FIGN: variants seen among roughly 807,000 people sequenced by gnomAD.
FIGN encodes fidgetin.
A neutral mutation model predicts 51.3 loss-of-function variants in FIGN; 11 were observed. That is an observed-to-expected ratio of 0.21 (90% CI 0.13 to 0.35). The LOEUF is 0.35. FIGN is among the 10% of genes least tolerant of loss of function. The pLI is 1.00. For missense variants in FIGN, 857 were observed against 943.6 expected (o/e 0.91, Z 1.20); for synonymous variants, 407 against 363.2 (o/e 1.12, Z -1.37).
At chr2:163,617,823 T>C (rs1451548770) in intron 2 of FIGN, among the ~76,000 whole-genome samples, 1 of 152,170 alleles carries the variant, frequency 6.6e-6, no homozygotes, top group Non-Finnish European at 1.5e-5. Flanking sequence ...CTTACTGTAT[T>C]GCTATTAAGA....
intron 2 of FIGN, among the ~76,000 whole-genome samples, chr2:163,688,572 A>G (rs6755891): frequency 1.8e-3 from 277 of 152,316 alleles, no homozygotes; most frequent in African/African-American, 5.8e-3. Context: ...TAGATGGAAG[A>G]TGAGACCAGG....
chr2:163,678,350 A>G (rs530396352), intron 2 of FIGN, among the ~76,000 whole-genome samples: 407 of 152,178 alleles, frequency 2.7e-3, no homozygotes, highest in African/African-American at 9.5e-3. Context: ...CCTCCCGAGT[A>G]GCTGGGATTA....
chr2:163,709,601 C>T (rs941734683), intron 2 of FIGN, among the ~76,000 whole-genome samples: 2 of 152,026 alleles, frequency 1.3e-5, no homozygotes, highest in Non-Finnish European at 2.9e-5. Context: ...ATTCCCCATC[C>T]CACTCAAGAA....
chr2:163,680,035 G>A (rs934945632), intron 2 of FIGN, among the ~76,000 whole-genome samples: 13 of 152,312 alleles, frequency 8.5e-5, no homozygotes, highest in East Asian at 5.8e-4. Context: ...GACATAAAGC[G>A]TGGAATGATT....
At chr2:163,648,089 G>T (rs1423966648) in intron 2 of FIGN, among the ~76,000 whole-genome samples, 1 of 152,044 alleles carries the variant, frequency 6.6e-6, no homozygotes, top group East Asian at 1.9e-4. Context: ...GATTTGCAAG[G>T]TCAAAGAGCT....
At chr2:163,720,134 A>G (rs1324622379) in intron 2 of FIGN, among the ~76,000 whole-genome samples, 3 of 152,208 alleles carry the variant, frequency 2.0e-5, no homozygotes, top group Non-Finnish European at 4.4e-5. Flanking sequence ...GAATAAGCCA[A>G]GCCCCGTTTC....
intron 2 of FIGN, among the ~76,000 whole-genome samples, chr2:163,718,199 T>G (rs1269047682): frequency 6.6e-6 from 1 of 152,096 alleles, no homozygotes; most frequent in African/African-American, 2.4e-5. Context: ...TTGTCAGCAC[T>G]CAGAGAAACA....
chr2:163,702,515 G>T (rs1684424756), intron 2 of FIGN, among the ~76,000 whole-genome samples: 1 of 151,978 alleles, frequency 6.6e-6, no homozygotes, highest in African/African-American at 2.4e-5. Flanking sequence ...TGCATGTAGT[G>T]GTACCATTCC....
chr2:163,642,200 C>T (rs1573921451), intron 2 of FIGN, among the ~76,000 whole-genome samples: 2 of 152,312 alleles, frequency 1.3e-5, no homozygotes, highest in East Asian at 3.9e-4. Context: ...AGTACATTTA[C>T]TCTCCAGCTG....
At chr2:163,612,229 T>A (rs2105300128) in intron 2 of FIGN, 1 of 767,918 alleles carries the variant, frequency 1.3e-6, no homozygotes, top group East Asian at 1.3e-4. Context: ...AGTATTAACA[T>A]GTACAATATC....
chr2:163,642,585 A>G lies in FIGN; in HGVS notation c.26-30779T>C, dbSNP rs375291166. Among the ~76,000 whole-genome samples the G allele has an allele frequency of 6.6e-5, 10 of 152,286 alleles. No individual in the cohort carries two copies. The East Asian group carries it at 9.7e-4, about 15-fold the overall frequency. ...AACCTATAAAACACTGTGGACTCTC[A>G]GAGGAAGGAGTATCTAATAATGTAT... is the stretch of plus-strand genomic sequence containing the variant. On this transcript the variant is annotated intron_variant, in intron 2 of 2. Coordinates refer to ENST00000333129, the MANE Select transcript of FIGN (RefSeq NM_018086.4).
intron 2 of FIGN, among the ~76,000 whole-genome samples, chr2:163,641,739 A>C (rs73015824): frequency 1.3e-3 from 203 of 152,382 alleles, no homozygotes; most frequent in African/African-American, 4.6e-3. Context: ...GCCCAATGGC[A>C]GCAAATACCA....
chr2:163,659,499 G>A (rs561998922), intron 2 of FIGN, among the ~76,000 whole-genome samples: 122 of 152,168 alleles, frequency 8.0e-4, no homozygotes, highest in South Asian at 6.2e-3. Flanking sequence ...TAGAGCCCTC[G>A]AAGGGCTTGG....
intron 2 of FIGN, among the ~76,000 whole-genome samples, chr2:163,674,925 G>A (rs1227679346): frequency 6.6e-6 from 1 of 152,098 alleles, no homozygotes; most frequent in Admixed American, 6.6e-5. Context: ...GCTCATAGGT[G>A]GAACTTGAAC....
intron 2 of FIGN, among the ~76,000 whole-genome samples, chr2:163,649,790 G>A (rs1683442730): frequency 6.6e-6 from 1 of 152,226 alleles, no homozygotes; most frequent in Admixed American, 6.5e-5. Context: ...CGAATAGTGA[G>A]TTTACAAGAG....
intron 2 of FIGN, among the ~76,000 whole-genome samples, chr2:163,731,601 T>C (rs976389340): frequency 6.6e-6 from 1 of 151,922 alleles, no homozygotes; most frequent in Non-Finnish European, 1.5e-5. Context: ...ACAGGAGTCT[T>C]AAATATAACT....
intron 2 of FIGN, among the ~76,000 whole-genome samples, chr2:163,709,230 CCAGA>C (rs1684550370): frequency 6.6e-6 from 1 of 152,088 alleles, no homozygotes; most frequent in Non-Finnish European, 1.5e-5. Context: ...CTTGGGCAAT[CCAGA>C]CACTCTTTTT....
chr2:163,679,219 C>T (rs894924161), intron 2 of FIGN, among the ~76,000 whole-genome samples: 7 of 151,836 alleles, frequency 4.6e-5, no homozygotes, highest in Non-Finnish European at 7.4e-5. Flanking sequence ...TGAGGCTGGG[C>T]GTGGCGACTC....
In FIGN at chr2:163,609,656, A is replaced by C. The variant is rs746525347; in HGVS notation, c.2176T>G (p.Tyr726Asp). The part of the protein sequence containing the change: ...IMPSQLRPVT[Y>D]QDFENAFCKI... ...CAGAAAGCATTTTCAAAGTCTTGAT[A>C]TGTAACGGGCCTCAACTGGCTGGGC... Residue 726 changes from tyrosine to aspartate, a missense_variant, in exon 3 of 3, where the codon TAT becomes GAT. Tyr to Asp is a radical substitution (Grantham distance 160, BLOSUM62 -3). Transcript: ENST00000333129. The C allele has an allele frequency of 1.2e-6, 2 of 1,614,142 alleles. No individual in the cohort carries two copies. Among genetic ancestry groups the C allele is most frequent in the Non-Finnish European group, 1.7e-6 (2 of 1,180,018 alleles).
Sources: allele counts gnomAD v4.1 joint callset (sites outside exome capture counted in the v4.1 genomes callset), GRCh38; gene constraint gnomAD v4.1.1; transcripts MANE v1.5; gene names NCBI Gene and HGNC (gene_info 2026-07-23, HGNC 2026-07-21).